Variants in CACNA1E observed in about 807,000 individuals in gnomAD.
The protein encoded by CACNA1E is calcium voltage-gated channel subunit alpha1 E, also known as voltage-dependent R-type calcium channel subunit alpha-1E.
In CACNA1E, 40 loss-of-function variants were observed where a neutral mutation model predicts 259.2. The ratio of observed to expected loss-of-function variants is 0.15; its 90% CI spans 0.12 to 0.20. The LOEUF (loss-of-function observed/expected upper bound fraction) is 0.20. CACNA1E is among the 10% of genes least tolerant of loss of function. The probability of loss-of-function intolerance (pLI) is 1.00; values close to 1 mark genes in which losing one functional copy is unlikely to be tolerated. For synonymous variants in CACNA1E, 1,104 were observed against 1,138.5 expected (o/e 0.97, Z 0.61); for missense variants, 1,874 against 3,040.1 (o/e 0.62, Z 9.02).
intron 44 of CACNA1E, among the ~76,000 whole-genome samples, chr1:181,792,532 TACAA>T (rs1029400778): frequency 9.8e-5 from 15 of 152,324 alleles, no homozygotes; most frequent in African/African-American, 3.4e-4. Flanking sequence ...AAGCATGTAC[TACAA>T]ACAAACACTA....
intron 2 of CACNA1E, among the ~76,000 whole-genome samples, chr1:181,456,269 G>A (rs1661456757): frequency 6.6e-6 from 1 of 152,152 alleles, no homozygotes; most frequent in African/African-American, 2.4e-5. Flanking sequence ...GTGAGTAGGA[G>A]GCTGGGGAGG....
chr1:181,519,776 G>A (rs1666857605), intron 3 of CACNA1E, among the ~76,000 whole-genome samples: 1 of 152,126 alleles, frequency 6.6e-6, no homozygotes, highest in South Asian at 2.1e-4. Flanking sequence ...CATGAAGCTG[G>A]AGGTATTAAG....
At chr1:181,655,271 A>T (rs1486763175) in intron 7 of CACNA1E, among the ~76,000 whole-genome samples, 1 of 152,220 alleles carries the variant, frequency 6.6e-6, no homozygotes, top group Non-Finnish European at 1.5e-5. Flanking sequence ...CTGAAAACTC[A>T]GCATGACTAA....
intron 1 of CACNA1E, among the ~76,000 whole-genome samples, chr1:181,507,038 T>C (rs184644657): frequency 3.4e-4 from 51 of 150,122 alleles, no homozygotes; most frequent in African/African-American, 1.2e-3. Flanking sequence ...TGAACAATTT[T>C]AAAAATGTAA....
At position 181,506,402 on chromosome 1, in the gene CACNA1E, A is replaced by G. The variant is rs550593450; in HGVS notation, c.267-4075A>G. ...GCAAGGGTGGGAGTGAGCAGGAGCCATGGCTCAGGCCAGAGTGGGTGAGCA... is the reference window on the plus strand; with the variant it reads ...GCAAGGGTGGGAGTGAGCAGGAGCCGTGGCTCAGGCCAGAGTGGGTGAGCA... On this transcript the variant is annotated intron_variant, in intron 1 of 47. Coordinates refer to ENST00000367573, the MANE Select transcript of CACNA1E (RefSeq NM_001205293.3). Among the ~76,000 whole-genome samples, 8 of 152,314 alleles carry G rather than the reference A, an allele frequency of 5.3e-5. No homozygotes were observed. The South Asian group carries it at 1.5e-3, about 28-fold the overall frequency.
At chr1:181,522,366 G>A (rs73051975) in intron 3 of CACNA1E, among the ~76,000 whole-genome samples, 1 of 152,086 alleles carries the variant, frequency 6.6e-6, no homozygotes, top group Non-Finnish European at 1.5e-5. Flanking sequence ...TCAAATAATG[G>A]GTAAGAATTG....
chr1:181,768,808 A>T (rs938822798), intron 35 of CACNA1E, among the ~76,000 whole-genome samples: 1 of 152,236 alleles, frequency 6.6e-6, no homozygotes, highest in East Asian at 1.9e-4. Context: ...CAAAGCAGAC[A>T]CCTGAGCTTG....
chr1:181,630,119 TG>T (rs35493946), intron 6 of CACNA1E, among the ~76,000 whole-genome samples: 112,160 of 151,792 alleles, frequency 0.74, 43,241 homozygotes, highest in East Asian at 0.95. Flanking sequence ...AGGATGGGAA[TG>T]GGGGGAGGGT....
intron 7 of CACNA1E, among the ~76,000 whole-genome samples, chr1:181,688,363 A>C (rs773992993): frequency 1.3e-5 from 2 of 152,234 alleles, no homozygotes; most frequent in Non-Finnish European, 2.9e-5. Context: ...TCTACACAGC[A>C]GAAGTGTAAG....
intron 6 of CACNA1E, among the ~76,000 whole-genome samples, chr1:181,616,128 T>C (rs1417302397): frequency 6.6e-6 from 1 of 152,232 alleles, no homozygotes; most frequent in African/African-American, 2.4e-5. Context: ...GCATTATCTG[T>C]TTTCACAATA....
intron 16 of CACNA1E, among the ~76,000 whole-genome samples, chr1:181,723,393 A>C (rs1654587777): frequency 6.6e-6 from 1 of 152,200 alleles, no homozygotes. Context: ...GACCTTTTGA[A>C]TGTGGCTGAA....
intron 6 of CACNA1E, among the ~76,000 whole-genome samples, chr1:181,643,082 A>G (rs911866142): frequency 6.6e-6 from 1 of 152,182 alleles, no homozygotes; most frequent in Non-Finnish European, 1.5e-5. Context: ...AAATTCACCC[A>G]TGACCCAGAA....
chr1:181,402,484 C>T (rs1212711818), intron 1 of CACNA1E, among the ~76,000 whole-genome samples: 1 of 152,224 alleles, frequency 6.6e-6, no homozygotes, highest in Non-Finnish European at 1.5e-5. Flanking sequence ...CCTCTTCTTT[C>T]CATTACCTCT....
At chr1:181,387,623 A>G (rs1204010005) in intron 1 of CACNA1E, among the ~76,000 whole-genome samples, 1 of 152,178 alleles carries the variant, frequency 6.6e-6, no homozygotes, top group African/African-American at 2.4e-5. Context: ...AGTTCTCTCT[A>G]ACTGGAAGTG....
chr1:181,791,429 C>T (rs561197116), intron 44 of CACNA1E, among the ~76,000 whole-genome samples: 3 of 152,238 alleles, frequency 2.0e-5, no homozygotes, highest in South Asian at 2.1e-4. Context: ...GCCGAGATGG[C>T]GCTGCTGCAC....
intron 27 of CACNA1E, among the ~76,000 whole-genome samples, chr1:181,754,318 T>TAATCAA (rs879588442): frequency 0.37 from 56,516 of 152,124 alleles, 11,561 homozygotes; most frequent in Non-Finnish European, 0.46. Flanking sequence ...AGGGTGCCTG[T>TAATCAA]CACTTACATT....
At chr1:181,793,589 C>T in intron 44 of CACNA1E, 76 bp from the exon 45 acceptor site, 1 of 1,508,336 alleles carries the variant, frequency 6.6e-7, no homozygotes, top group Non-Finnish European at 9.0e-7. Flanking sequence ...CTTGAGGAGG[C>T]TGAATTGTCC....
rs374784506 is a variant in CACNA1E at position 181,720,304 on chromosome 1, T to C, written c.1850T>C (p.Phe617Ser). The change falls in exon 14 of 48, where the codon TTT (phenylalanine) becomes TCT (serine). Residue 617 changes from phenylalanine to serine, a missense_variant. Phe to Ser is a radical substitution (Grantham distance 155, BLOSUM62 -2). This residue lies in a region of CACNA1E where 102 missense variants were observed against 279.4 expected (regional missense o/e 0.37). Coordinates refer to ENST00000367573, the MANE Select transcript of CACNA1E (RefSeq NM_001205293.3). ...LFLLFLFIVV[F>S]ALLGMQLFGG... ...CTCCTCTTCCTCTTCATCGTTGTCT[T>C]TGCTCTCCTAGGAATGCAGTTATTT... 6.2e-7 allele frequency: 1 copy of C among 1,613,602 alleles called. No homozygotes were observed. The highest frequency in any genetic ancestry group is 8.5e-7 in the Non-Finnish European group (1 of 1,179,798).
chr1:181,550,643 T>A (rs1173328150), intron 3 of CACNA1E, among the ~76,000 whole-genome samples: 1 of 151,870 alleles, frequency 6.6e-6, no homozygotes, highest in Non-Finnish European at 1.5e-5. Flanking sequence ...GGTTCAAATG[T>A]GAGGGAGGAA....
Sources: allele counts gnomAD v4.1 joint callset (sites outside exome capture counted in the v4.1 genomes callset), GRCh38; gene constraint gnomAD v4.1.1; regional missense constraint gnomAD v4.1.1; transcripts MANE v1.5; gene names NCBI Gene and HGNC (gene_info 2026-07-23, HGNC 2026-07-21).